Variants in FRMD3 observed in about 807,000 individuals in gnomAD.
FRMD3 encodes FERM domain-containing protein 3.
Under a neutral mutation model 70.2 loss-of-function variants are expected in FRMD3, and 33 were observed. The observed-to-expected ratio is 0.47, with a 90% confidence interval of 0.36 to 0.63. The LOEUF is 0.63. Ranked by LOEUF, FRMD3 falls within the 20% of genes least tolerant of loss-of-function variation. FRMD3 has a pLI of 0.00. For synonymous variants in FRMD3, 279 were observed against 255.9 expected (o/e 1.09, Z -0.86); for missense variants, 632 against 711.4 (o/e 0.89, Z 1.27).
chr9:83,398,707 T>C (rs78419796), intron 1 of FRMD3, among the ~76,000 whole-genome samples: 6,254 of 152,282 alleles, frequency 0.041, 218 homozygotes, highest in East Asian at 0.17. Context: ...TGAATACATA[T>C]CTGTTTTAGA....
intron 1 of FRMD3, among the ~76,000 whole-genome samples, chr9:83,506,551 C>T (rs1398241637): frequency 2.0e-5 from 3 of 152,150 alleles, no homozygotes; most frequent in Non-Finnish European, 4.4e-5. Flanking sequence ...CTTAAAATGG[C>T]TCCCCTATCT....
chr9:83,285,385 A>G (rs982733558), intron 13 of FRMD3, among the ~76,000 whole-genome samples: 3 of 152,194 alleles, frequency 2.0e-5, no homozygotes, highest in Non-Finnish European at 4.4e-5. Flanking sequence ...GCAGCTTCAC[A>G]TGACCCTTTA....
intron 1 of FRMD3, among the ~76,000 whole-genome samples, chr9:83,473,605 T>C (rs1324673129): frequency 4.6e-5 from 7 of 152,046 alleles, no homozygotes; most frequent in African/African-American, 1.5e-4. Context: ...GTACATCATA[T>C]TTTCTATCTT....
At chr9:83,447,499 TGGATG>T (rs1827514090) in intron 1 of FRMD3, among the ~76,000 whole-genome samples, 1 of 152,190 alleles carries the variant, frequency 6.6e-6, no homozygotes. Flanking sequence ...GGAGCCAGGC[TGGATG>T]CGGGCCAGCC....
chr9:83,422,032 C>T (rs1332924718), intron 1 of FRMD3, among the ~76,000 whole-genome samples: 1 of 152,138 alleles, frequency 6.6e-6, no homozygotes, highest in Admixed American at 6.5e-5. Flanking sequence ...CAAGACCAGC[C>T]TGGCCAACGT....
At position 83,245,927 on chromosome 9, in the gene FRMD3, T is replaced by C; in HGVS notation, c.*1991A>G. On this transcript the variant is annotated 3_prime_UTR_variant, in exon 14 of 14. Transcript: ENST00000304195. ...CACAGAAAATATATTCCTAAATCAG[T>C]ATCAACTTTCAGGTAATAAACAAAC... is the stretch of plus-strand genomic sequence containing the variant. 1.0e-6 allele frequency: 1 copy of C among 981,632 alleles called. No homozygotes were observed. The highest frequency in any genetic ancestry group is 1.2e-6 in the Non-Finnish European group (1 of 826,532). The allele number at this position is 981,632 out of a possible 1,614,324, so 60.8% of individuals were successfully genotyped here.
At chr9:83,305,239 T>C (rs1434372855) in intron 10 of FRMD3, among the ~76,000 whole-genome samples, 2 of 152,052 alleles carry the variant, frequency 1.3e-5, no homozygotes, top group African/African-American at 2.4e-5. Context: ...ACCCCTGAGG[T>C]TACCATAATC....
chr9:83,453,561 A>G (rs961323711), intron 1 of FRMD3, among the ~76,000 whole-genome samples: 1 of 151,802 alleles, frequency 6.6e-6, no homozygotes, highest in Non-Finnish European at 1.5e-5. Flanking sequence ...CTGAAGATAT[A>G]AAGTATGCAC....
intron 1 of FRMD3, among the ~76,000 whole-genome samples, chr9:83,509,413 C>G (rs1016328787): frequency 1.3e-5 from 2 of 152,052 alleles, no homozygotes; most frequent in African/African-American, 4.8e-5. Context: ...TAGCCACAGC[C>G]AAAAAGATGC....
At chr9:83,540,351 C>A (rs1200188846), upstream of FRMD3, among the ~76,000 whole-genome samples, 2 of 152,154 alleles carry the variant, frequency 1.3e-5, no homozygotes, top group Middle Eastern at 3.2e-3. Context: ...TATCAATACC[C>A]AAAAATTGTT....
At chr9:83,452,980 G>C (rs1481756194) in intron 1 of FRMD3, among the ~76,000 whole-genome samples, 1 of 148,904 alleles carries the variant, frequency 6.7e-6, no homozygotes, top group Non-Finnish European at 1.5e-5. Flanking sequence ...TCAGCCTCTT[G>C]AGTAGCTGGG....
chr9:83,378,251 C>T (rs577044512), intron 2 of FRMD3, among the ~76,000 whole-genome samples: 12 of 146,242 alleles, frequency 8.2e-5, no homozygotes, highest in Non-Finnish European at 1.6e-4. Context: ...TAACTGTGTC[C>T]TTCTTTTTTG....
intron 3 of FRMD3, among the ~76,000 whole-genome samples, chr9:83,353,018 G>C (rs764910525): frequency 6.6e-6 from 1 of 152,184 alleles, no homozygotes; most frequent in Non-Finnish European, 1.5e-5. Flanking sequence ...AGGGATGAGA[G>C]CTGGCGGCAG....
chr9:83,288,672 C>T (rs1834307768), intron 13 of FRMD3, among the ~76,000 whole-genome samples: 2 of 152,216 alleles, frequency 1.3e-5, no homozygotes, highest in Non-Finnish European at 2.9e-5. Flanking sequence ...GAAAAGGTAG[C>T]TTATGCATTC....
intron 1 of FRMD3, among the ~76,000 whole-genome samples, chr9:83,536,579 A>T (rs980924051): frequency 2.0e-5 from 3 of 152,198 alleles, no homozygotes; most frequent in African/African-American, 7.2e-5. Context: ...CCCTTGTGGC[A>T]GTAGAAACAC....
At chr9:83,575,885 C>A in the FRMD3 span, among the ~76,000 whole-genome samples, 1 of 151,966 alleles carries the variant, frequency 6.6e-6, no homozygotes, top group African/African-American at 2.4e-5. Context: ...GTAGGGAATT[C>A]TTTTCAACTA....
the FRMD3 span, among the ~76,000 whole-genome samples, chr9:83,545,356 G>GTTTT: frequency 4.3e-5 from 5 of 117,612 alleles, no homozygotes; most frequent in Non-Finnish European, 6.9e-5. Flanking sequence ...GTTTTTTTTT[G>GTTTT]TTTTTTTTTT....
chr9:83,274,727 T>C (rs189020888), intron 13 of FRMD3, among the ~76,000 whole-genome samples: 27 of 152,326 alleles, frequency 1.8e-4, no homozygotes, highest in African/African-American at 6.0e-4. Flanking sequence ...TGTATGGGAC[T>C]GGACTCTCCA....
the FRMD3 span, among the ~76,000 whole-genome samples, chr9:83,552,662 A>G: frequency 1.3e-5 from 2 of 152,182 alleles, no homozygotes; most frequent in Non-Finnish European, 2.9e-5. Context: ...TGTTGGGTAC[A>G]TATATATCAC....
Sources: gnomAD v4.1 joint callset for allele counts (sites outside exome capture counted in the v4.1 genomes callset) on GRCh38, gnomAD v4.1.1 for gene constraint, MANE v1.5 for transcripts, NCBI Gene and HGNC (gene_info 2026-07-23, HGNC 2026-07-21) for gene names.